The following SCARA3 variants were observed in gnomAD, a reference collection of about 807,000 sequenced individuals.
The protein encoded by SCARA3 is scavenger receptor class A member 3, also known as cellular stress response gene protein.
Under a neutral mutation model 47.0 loss-of-function variants are expected in SCARA3, and 39 were observed. That is an observed-to-expected ratio of 0.83 (90% CI 0.64 to 1.08). The LOEUF is 1.08. Among genes scored for constraint, SCARA3 ranks in the 50% least tolerant of loss-of-function variants. The pLI, the probability that SCARA3 is intolerant of heterozygous loss-of-function variation, is 0.00. For missense variants in SCARA3, 724 were observed against 792.3 expected (o/e 0.91, Z 1.04); for synonymous variants, 356 against 334.1 (o/e 1.07, Z -0.71).
downstream of SCARA3, among the ~76,000 whole-genome samples, chr8:27,680,863 G>A (rs1476639681): frequency 6.6e-6 from 1 of 152,078 alleles, no homozygotes; most frequent in African/African-American, 2.4e-5. Context: ...AATCAATATA[G>A]TTTGTCATAT....
chr8:27,697,850 A>T, the SCARA3 span, among the ~76,000 whole-genome samples: 54 of 152,090 alleles, frequency 3.6e-4, no homozygotes, highest in Admixed American at 4.6e-4. Context: ...GCCTTCCACC[A>T]TGATTGTGAG....
At chr8:27,708,501 TATCA>T in the SCARA3 span, among the ~76,000 whole-genome samples, 4 of 152,132 alleles carry the variant, frequency 2.6e-5, no homozygotes, top group African/African-American at 9.7e-5. Flanking sequence ...CTCGTAACTC[TATCA>T]TAACAAAAAA....
intron 5 of SCARA3, among the ~76,000 whole-genome samples, chr8:27,660,089 C>T (rs1290969630): frequency 1.3e-5 from 2 of 151,994 alleles, no homozygotes; most frequent in African/African-American, 4.8e-5. Context: ...TTAATGCTCC[C>T]AACCACCCAA....
At chr8:27,663,520 C>T (rs957385699) in intron 5 of SCARA3, among the ~76,000 whole-genome samples, 1 of 152,220 alleles carries the variant, frequency 6.6e-6, no homozygotes, top group East Asian at 1.9e-4. Flanking sequence ...TTGCTCTGCA[C>T]ACGCAACTTT....
At chr8:27,676,635 A>G, downstream of SCARA3, 2 of 1,268,626 alleles carry the variant, frequency 1.6e-6, no homozygotes, top group Non-Finnish European at 2.3e-6. Flanking sequence ...GATGACCAAG[A>G]ATATAATTTG....
At chr8:27,694,654 G>A in the SCARA3 span, among the ~76,000 whole-genome samples, 1 of 152,118 alleles carries the variant, frequency 6.6e-6, no homozygotes, top group Non-Finnish European at 1.5e-5. Flanking sequence ...GGAGTAAGAA[G>A]TACTCTGATC....
the SCARA3 span, among the ~76,000 whole-genome samples, chr8:27,705,258 C>T: frequency 2.6e-5 from 4 of 152,208 alleles, no homozygotes; most frequent in Non-Finnish European, 5.9e-5. Flanking sequence ...GTGACCCCAC[C>T]TGGCTCCCTC....
At chr8:27,639,499 G>A (rs1158595012) in intron 1 of SCARA3, among the ~76,000 whole-genome samples, 1 of 152,100 alleles carries the variant, frequency 6.6e-6, no homozygotes, top group Non-Finnish European at 1.5e-5. Flanking sequence ...TGGACAGCAG[G>A]TCCTGGGGGA....
the SCARA3 span, among the ~76,000 whole-genome samples, chr8:27,691,572 C>T: frequency 6.6e-6 from 1 of 152,048 alleles, no homozygotes; most frequent in African/African-American, 2.4e-5. Context: ...TTGGGAAGTC[C>T]CTCCGTCTGC....
chr8:27,727,851 A>G, the SCARA3 span, among the ~76,000 whole-genome samples: 1 of 152,200 alleles, frequency 6.6e-6, no homozygotes, highest in Admixed American at 6.5e-5. Context: ...AGAGAGCCAA[A>G]CCAATCACCC....
downstream of SCARA3, among the ~76,000 whole-genome samples, chr8:27,675,055 G>T (rs1289471208): frequency 6.6e-6 from 1 of 152,088 alleles, no homozygotes; most frequent in African/African-American, 2.4e-5. Context: ...GAAGAGCAGG[G>T]GCTTGCTGGA....
At chr8:27,709,847 C>T in the SCARA3 span, among the ~76,000 whole-genome samples, 11 of 152,184 alleles carry the variant, frequency 7.2e-5, no homozygotes, top group African/African-American at 2.4e-4. Context: ...TCCAGATCAC[C>T]CTCCCTGCAG....
downstream of SCARA3, chr8:27,673,047 G>C (rs1802204887): frequency 1.0e-6 from 1 of 968,192 alleles, no homozygotes; most frequent in Non-Finnish European, 1.2e-6. Flanking sequence ...CTTTCTGCCT[G>C]ACTTGGGGGC....
intron 5 of SCARA3, among the ~76,000 whole-genome samples, chr8:27,659,848 T>TAAAAA (rs1164812144): frequency 6.4e-4 from 26 of 40,352 alleles, no homozygotes; most frequent in African/African-American, 7.9e-4. Flanking sequence ...AGTCCTTATC[T>TAAAAA]AAAAAAAAAA....
chr8:27,676,615 T>C, downstream of SCARA3: 1 of 1,427,066 alleles, frequency 7.0e-7, no homozygotes. Context: ...AAGCCAGCCA[T>C]AAAGCCCAGG....
intron 1 of SCARA3, among the ~76,000 whole-genome samples, chr8:27,640,340 G>T (rs1468205124): frequency 6.6e-6 from 1 of 152,104 alleles, no homozygotes; most frequent in African/African-American, 2.4e-5. Flanking sequence ...TGTTTGCACA[G>T]ATTTTTTTCA....
intron 5 of SCARA3, among the ~76,000 whole-genome samples, chr8:27,660,857 GATA>G (rs1801898346): frequency 6.6e-6 from 1 of 151,812 alleles, no homozygotes; most frequent in Non-Finnish European, 1.5e-5. Context: ...TAGATAGATA[GATA>G]GATAGATAGA....
chr8:27,648,293 C>G (rs1056418149), intron 1 of SCARA3, among the ~76,000 whole-genome samples: 1 of 152,240 alleles, frequency 6.6e-6, no homozygotes, highest in Non-Finnish European at 1.5e-5. Flanking sequence ...GAGGCAAAAC[C>G]CAGCACTTTA....
chr8:27,637,761 T>C (rs1331464565), intron 1 of SCARA3, among the ~76,000 whole-genome samples: 1 of 151,314 alleles, frequency 6.6e-6, no homozygotes, highest in Non-Finnish European at 1.5e-5. Context: ...AGGCAAAGGG[T>C]GGAAGTGGGG....
Sources: allele counts gnomAD v4.1 joint callset (sites outside exome capture counted in the v4.1 genomes callset), GRCh38; gene constraint gnomAD v4.1.1; transcripts MANE v1.5; gene names NCBI Gene and HGNC (gene_info 2026-07-23, HGNC 2026-07-21).